FHIT: variants seen among roughly 807,000 people sequenced by gnomAD.
FHIT encodes the protein fragile histidine triad diadenosine triphosphatase, also known as bis(5'-adenosyl)-triphosphatase.
A neutral mutation model predicts 17.9 loss-of-function variants in FHIT; 19 were observed. The observed-to-expected ratio is 1.06, with a 90% CI of 0.74 to 1.56. The LOEUF is 1.56. Among genes scored for constraint, FHIT ranks in the 40% most tolerant of loss-of-function variants. FHIT has a pLI of 0.00. For missense variants in FHIT, 248 were observed against 189.2 expected, an observed-to-expected ratio of 1.31 and a Z score of -1.82; for synonymous variants, 81 against 69.7, an observed-to-expected ratio of 1.16 and a Z score of -0.81.
At chr3:61,207,169 C>A (rs1270775010) in intron 1 of FHIT, among the ~76,000 whole-genome samples, 1 of 152,150 alleles carries the variant, frequency 6.6e-6, no homozygotes, top group Non-Finnish European at 1.5e-5. Context: ...GGGATGAAAC[C>A]CACTTGATCA....
chr3:60,610,806 A>G (rs2038762341), intron 4 of FHIT, among the ~76,000 whole-genome samples: 1 of 152,174 alleles, frequency 6.6e-6, no homozygotes, highest in South Asian at 2.1e-4. Context: ...GCAAGAACAC[A>G]ATGCTCTCAC....
At chr3:60,873,017 G>A (rs1337270904) in intron 3 of FHIT, among the ~76,000 whole-genome samples, 1 of 152,136 alleles carries the variant, frequency 6.6e-6, no homozygotes, top group Non-Finnish European at 1.5e-5. Flanking sequence ...TGCGTTCTTA[G>A]ATTTGATCTT....
intron 5 of FHIT, among the ~76,000 whole-genome samples, chr3:60,354,032 C>T (rs557806115): frequency 1.3e-5 from 2 of 151,890 alleles, no homozygotes; most frequent in African/African-American, 2.4e-5. Context: ...TTTTCTATCA[C>T]GATGATGGGC....
intron 4 of FHIT, among the ~76,000 whole-genome samples, chr3:60,675,377 T>C (rs760901815): frequency 2.4e-4 from 36 of 152,212 alleles, no homozygotes; most frequent in Non-Finnish European, 4.6e-4. Context: ...CTCTTATTTC[T>C]CTTACCATGT....
rs964079346 is a variant in FHIT, at chr3:59,747,998, A to G, written c.*1587T>C. On this transcript the variant is annotated 3_prime_UTR_variant, in exon 10 of 10. Coordinates refer to ENST00000492590, the MANE Select transcript of FHIT (RefSeq NM_002012.4). ...CTCTTTAATCCTTCTGAATATGCCA[A>G]ATGGAGAGTTTCGGTTTGGTGCTAG... Among the ~76,000 whole-genome samples the G allele has an allele frequency of 5.3e-5, 8 of 152,106 alleles. No homozygotes were observed. Among genetic ancestry groups the G allele is most frequent in the African/African-American group, 1.4e-4 (6 of 41,398 alleles).
intron 5 of FHIT, among the ~76,000 whole-genome samples, chr3:60,265,155 T>C (rs1016052494): frequency 6.6e-6 from 1 of 152,006 alleles, no homozygotes. Context: ...AGCATATCTA[T>C]TAAAGTTTGT....
At chr3:59,923,655 A>T (rs1358743131) in intron 7 of FHIT, among the ~76,000 whole-genome samples, 1 of 152,042 alleles carries the variant, frequency 6.6e-6, no homozygotes, top group Non-Finnish European at 1.5e-5. Flanking sequence ...CGTGGGGAGG[A>T]ATGCGAAAAT....
intron 5 of FHIT, among the ~76,000 whole-genome samples, chr3:60,045,032 AT>A (rs906321604): frequency 2.0e-5 from 3 of 152,110 alleles, no homozygotes; most frequent in Non-Finnish European, 4.4e-5. Flanking sequence ...ATTGGCCATC[AT>A]AAAAAACAGC....
At chr3:60,600,735 G>A (rs1361640089) in intron 4 of FHIT, among the ~76,000 whole-genome samples, 1 of 152,236 alleles carries the variant, frequency 6.6e-6, no homozygotes, top group East Asian at 1.9e-4. Flanking sequence ...GGAGTGATGA[G>A]GCAAACCCAG....
At position 59,849,832 on chromosome 3, in the gene FHIT, C is replaced by T. The variant is rs1030164471; in HGVS notation, c.348+72514G>A. On this transcript the variant is annotated intron_variant, in intron 8 of 9. Transcript: ENST00000492590. ...TAGAAGGAGATATGCATTGTTTCTGCAGTGAAGGAAAAAGCATAATTTAAT... is the reference window on the plus strand; with the variant it reads ...TAGAAGGAGATATGCATTGTTTCTGTAGTGAAGGAAAAAGCATAATTTAAT... Among the ~76,000 whole-genome samples, 5 of 152,094 alleles carry T rather than the reference C, an allele frequency of 3.3e-5. 1 individual carries two copies. Among genetic ancestry groups the T allele is most frequent in the Admixed American group, 3.3e-4 (5 of 15,268 alleles).
intron 2 of FHIT, among the ~76,000 whole-genome samples, chr3:61,194,879 A>C (rs1454878622): frequency 1.3e-5 from 2 of 152,162 alleles, no homozygotes; most frequent in African/African-American, 4.8e-5. Flanking sequence ...ATACAAATGC[A>C]AAGTATTATT....
intron 7 of FHIT, among the ~76,000 whole-genome samples, chr3:59,939,041 A>C (rs113690225): frequency 0.021 from 3,162 of 152,284 alleles, 112 homozygotes; most frequent in African/African-American, 0.07. Flanking sequence ...ACAAACGATG[A>C]ATACTGCTAA....
chr3:60,248,560 C>T (rs1008929887), intron 5 of FHIT, among the ~76,000 whole-genome samples: 1 of 152,066 alleles, frequency 6.6e-6, no homozygotes, highest in African/African-American at 2.4e-5. Context: ...TTCTAAAGTA[C>T]TGAACTTTTA....
chr3:60,417,519 G>A (rs1207421605), intron 5 of FHIT, among the ~76,000 whole-genome samples: 1 of 151,982 alleles, frequency 6.6e-6, no homozygotes, highest in Non-Finnish European at 1.5e-5. Context: ...TGAGAAAAGA[G>A]GCAAAGAAAA....
chr3:59,854,754 T>A (rs1213888176), intron 8 of FHIT, among the ~76,000 whole-genome samples: 1 of 152,192 alleles, frequency 6.6e-6, no homozygotes, highest in Non-Finnish European at 1.5e-5. Context: ...AGAGCCCATA[T>A]TATTGCCATA....
intron 9 of FHIT, chr3:59,750,097 A>G (rs531636895): frequency 6.5e-4 from 148 of 226,264 alleles, no homozygotes; most frequent in Non-Finnish European, 7.2e-4. Context: ...TAAGATGTAC[A>G]AGGGAAGTCA....
At chr3:61,058,149 G>A (rs550010419) in intron 2 of FHIT, among the ~76,000 whole-genome samples, 20 of 152,148 alleles carry the variant, frequency 1.3e-4, no homozygotes, top group Non-Finnish European at 2.2e-4. Flanking sequence ...TGCCTGGCAC[G>A]TAATAAGTTC....
intron 5 of FHIT, among the ~76,000 whole-genome samples, chr3:60,192,895 G>A (rs1437590573): frequency 1.3e-5 from 2 of 152,122 alleles, no homozygotes; most frequent in South Asian, 2.1e-4. Flanking sequence ...TCATAATTTT[G>A]AATGACACAA....
At chr3:60,193,513 C>G (rs1023348515) in intron 5 of FHIT, among the ~76,000 whole-genome samples, 1 of 152,160 alleles carries the variant, frequency 6.6e-6, no homozygotes, top group Non-Finnish European at 1.5e-5. Context: ...AGGCCTCAGA[C>G]CATTTCAAAA....
Sources: allele counts gnomAD v4.1 joint callset (sites outside exome capture counted in the v4.1 genomes callset), GRCh38; gene constraint gnomAD v4.1.1; transcripts MANE v1.5; gene names NCBI Gene and HGNC (gene_info 2026-07-23, HGNC 2026-07-21).